The following NAV2 variants were observed in gnomAD, a reference collection of about 807,000 sequenced individuals.
NAV2 encodes the protein helicase, APC down-regulated 1.
Under a neutral mutation model 223.2 loss-of-function variants are expected in NAV2, and 54 were observed. The ratio of observed to expected loss-of-function variants is 0.24; its 90% CI spans 0.19 to 0.30. NAV2 has a LOEUF of 0.30. Ranked by LOEUF, NAV2 falls within the 10% of genes least tolerant of loss-of-function variation. NAV2 has a pLI of 1.00. For missense variants in NAV2, 2,806 were observed against 3,147.5 expected (o/e 0.89, Z 2.60); for synonymous variants, 1,279 against 1,239.3 (o/e 1.03, Z -0.67).
At chr11:20,098,091 A>G (rs2061398834) in intron 31 of NAV2, among the ~76,000 whole-genome samples, 1 of 152,200 alleles carries the variant, frequency 6.6e-6, no homozygotes. Flanking sequence ...CGTTCTACAG[A>G]TGGGAAAACC....
At chr11:19,626,864 G>A (rs936686317) in intron 1 of NAV2, among the ~76,000 whole-genome samples, 4 of 152,188 alleles carry the variant, frequency 2.6e-5, no homozygotes, top group Non-Finnish European at 5.9e-5. Flanking sequence ...CTAGGAAAGT[G>A]ACTTAAGCTT....
intron 1 of NAV2, among the ~76,000 whole-genome samples, chr11:19,448,961 TA>T (rs1851688555): frequency 6.6e-6 from 1 of 152,248 alleles, no homozygotes; most frequent in African/African-American, 2.4e-5. Context: ...ATTTGTAAAA[TA>T]AACCACCCAG....
chr11:19,818,262 T>TA (rs1555075652), intron 1 of NAV2, among the ~76,000 whole-genome samples: 2 of 114,106 alleles, frequency 1.8e-5, no homozygotes, highest in Non-Finnish European at 3.9e-5. Context: ...TTTTTTTTTT[T>TA]ACTCCATCTC....
intron 3 of NAV2, among the ~76,000 whole-genome samples, chr11:19,852,293 G>T (rs2061188163): frequency 6.6e-6 from 1 of 152,230 alleles, no homozygotes; most frequent in Admixed American, 6.5e-5. Context: ...TTATAGCACA[G>T]GCTCATTTTG....
chr11:19,642,955 C>T (rs2047706457), intron 1 of NAV2, among the ~76,000 whole-genome samples: 1 of 152,156 alleles, frequency 6.6e-6, no homozygotes, highest in Non-Finnish European at 1.5e-5. Flanking sequence ...GAAACAAAAA[C>T]ATCAAAGACC....
At chr11:19,392,942 G>A (rs972989819) in intron 1 of NAV2, among the ~76,000 whole-genome samples, 7 of 152,206 alleles carry the variant, frequency 4.6e-5, no homozygotes, top group South Asian at 2.1e-4. Flanking sequence ...TTCCCAGTGA[G>A]TGCCAGAGCA....
intron 1 of NAV2, among the ~76,000 whole-genome samples, chr11:19,641,091 C>T (rs1219213317): frequency 1.3e-5 from 2 of 152,278 alleles, no homozygotes; most frequent in East Asian, 1.9e-4. Context: ...TGCTGTCCAT[C>T]GCACTCTGGG....
intron 22 of NAV2, among the ~76,000 whole-genome samples, chr11:20,074,760 C>CCTTTTTTTTTTTTTTTTT (rs56895607): frequency 0.012 from 1,295 of 109,974 alleles, 133 homozygotes; most frequent in African/African-American, 0.018. Flanking sequence ...TGCAACTCTG[C>CCTTTTTTTTTTTTTTTTT]TTTTTTTTTT....
intron 1 of NAV2, among the ~76,000 whole-genome samples, chr11:19,366,410 G>T (rs2133826460): frequency 6.6e-6 from 1 of 152,296 alleles, no homozygotes; most frequent in African/African-American, 2.4e-5. Context: ...CTTCCTGCTT[G>T]CTTCTTCTAG....
intron 1 of NAV2, among the ~76,000 whole-genome samples, chr11:19,647,451 C>T (rs1336831454): frequency 6.6e-6 from 1 of 152,102 alleles, no homozygotes; most frequent in Non-Finnish European, 1.5e-5. Flanking sequence ...TCAGTATCTG[C>T]CCACCTCCCT....
chr11:19,425,924 G>A (rs747431169), intron 1 of NAV2, among the ~76,000 whole-genome samples: 11 of 152,176 alleles, frequency 7.2e-5, no homozygotes, highest in Admixed American at 1.3e-4. Context: ...GCCCTGAGGT[G>A]AGATTGTTTT....
chr11:20,102,335 A>G (rs1592156032), intron 32 of NAV2, among the ~76,000 whole-genome samples: 1 of 152,054 alleles, frequency 6.6e-6, no homozygotes, highest in South Asian at 2.1e-4. Flanking sequence ...AGAAGATGTT[A>G]CCCCCTGAGC....
At chr11:19,387,414 T>C (rs1278392440) in intron 1 of NAV2, among the ~76,000 whole-genome samples, 1 of 152,098 alleles carries the variant, frequency 6.6e-6, no homozygotes, top group African/African-American at 2.4e-5. Context: ...CAGACACTGC[T>C]TGTAGTTCAG....
chr11:19,661,099 C>A (rs992075844), intron 1 of NAV2, among the ~76,000 whole-genome samples: 1 of 152,110 alleles, frequency 6.6e-6, no homozygotes, highest in African/African-American at 2.4e-5. Flanking sequence ...AACCATCTAC[C>A]CTGTCGCCCC....
At chr11:20,092,660 C>G (rs1730816424) in intron 28 of NAV2, among the ~76,000 whole-genome samples, 2 of 152,246 alleles carry the variant, frequency 1.3e-5, no homozygotes, top group Admixed American at 1.3e-4. Context: ...GACCTGCAAG[C>G]TGAATGCTGT....
At chr11:19,435,378 C>A (rs1851180008) in intron 1 of NAV2, among the ~76,000 whole-genome samples, 1 of 152,126 alleles carries the variant, frequency 6.6e-6, no homozygotes, top group Non-Finnish European at 1.5e-5. Flanking sequence ...CCTCTAGGTT[C>A]ATCCATGTTG....
chr11:19,900,681 A>G (rs2030684959), intron 6 of NAV2, among the ~76,000 whole-genome samples: 1 of 152,214 alleles, frequency 6.6e-6, no homozygotes. Context: ...ATCAATTGTC[A>G]TAGAACTCAG....
At chr11:19,590,186 T>C (rs1342323071) in intron 1 of NAV2, among the ~76,000 whole-genome samples, 2 of 152,200 alleles carry the variant, frequency 1.3e-5, no homozygotes, top group Non-Finnish European at 2.9e-5. Context: ...GATGAGGTAA[T>C]GCATGTAAAG....
At chr11:19,941,154 A>G (rs1468101054) in intron 8 of NAV2, among the ~76,000 whole-genome samples, 1 of 152,140 alleles carries the variant, frequency 6.6e-6, no homozygotes, top group Non-Finnish European at 1.5e-5. Context: ...TCCAAATATT[A>G]CTTAGATTTC....
Sources: gnomAD v4.1 joint callset for allele counts (sites outside exome capture counted in the v4.1 genomes callset) on GRCh38, gnomAD v4.1.1 for gene constraint, MANE v1.5 for transcripts, NCBI Gene and HGNC (gene_info 2026-07-23, HGNC 2026-07-21) for gene names.